The following UTP20 variants were observed in gnomAD, a reference collection of about 807,000 sequenced individuals.
The protein encoded by UTP20 is small subunit processome component 20 homolog.
Under a neutral mutation model 329.5 loss-of-function variants are expected in UTP20, and 164 were observed. That is an observed-to-expected ratio of 0.50 (90% CI 0.44 to 0.57). UTP20 has a LOEUF of 0.57. Ranked by LOEUF, UTP20 falls within the 20% of genes least tolerant of loss-of-function variation. The pLI is 0.00. For missense variants in UTP20, 3,055 were observed against 3,284.2 expected, an observed-to-expected ratio of 0.93 and a Z score of 1.71; for synonymous variants, 1,151 against 1,159.3, an observed-to-expected ratio of 0.99 and a Z score of 0.14.
At chr12:101,385,779 TAA>T (rs1310318501) in intron 61 of UTP20, 51 bp downstream of exon 61, 3 of 1,576,836 alleles carry the variant, frequency 1.9e-6, no homozygotes, top group Non-Finnish European at 2.6e-6. Context: ...TGATAACTAC[TAA>T]GTGTGCATGT....
At position 101,291,845 on chromosome 12, in the gene UTP20, A is replaced by G. The variant is rs982879239; in HGVS notation, c.995A>G (p.His332Arg). Residue 332 changes from histidine (H) to arginine (R), a missense_variant, in exon 9 of 62, where the codon CAT becomes CGT. His to Arg is a conservative substitution (Grantham distance 29). Transcript: ENST00000261637. ...LLETYLILVK[H>R]GSGTKIPTPA... ...GAAACATACCTTATACTTGTAAAAC[A>G]TGGAAGTGGGACAAAGATACCCACG... The G allele has an allele frequency of 3.1e-6, 5 of 1,613,954 alleles. No homozygotes were observed. The highest frequency in any genetic ancestry group is 2.2e-5 in the East Asian group (1 of 44,878).
Position 101,280,326 on chromosome 12 carries a change from G to A in UTP20, c.44G>A (p.Arg15Gln). The A allele has an allele frequency of 1.3e-6, 2 of 1,551,430 alleles. No individual in the cohort carries two copies. The highest frequency in any genetic ancestry group is 1.2e-5 in the South Asian group (1 of 84,058). Reference sequence around the variant, plus strand: ...TCCCACAAGACCGAGAACACCTACCGGGTGAGCGCGGGAGCTTAGGCAGGG... The same window carrying A: ...TCCCACAAGACCGAGAACACCTACCAGGTGAGCGCGGGAGCTTAGGCAGGG... ...PVSHKTENTYRFLTFAERLGN... is the reference protein window; with the variant it reads ...PVSHKTENTYQFLTFAERLGN... Residue 15 changes from arginine to glutamine, a missense_variant and splice_region_variant, in exon 1 of 62, where the codon CGG (arginine) becomes CAG (glutamine). Transcript: ENST00000261637.
intron 10 of UTP20, among the ~76,000 whole-genome samples, 160 bp from the exon 11 acceptor site, chr12:101,293,008 A>G (rs1872217148): frequency 6.6e-6 from 1 of 152,220 alleles, no homozygotes; most frequent in Non-Finnish European, 1.5e-5. Context: ...TAATCAGCAG[A>G]AGCCCTTTGC....
chr12:101,317,349 C>T (rs1335636996), intron 21 of UTP20, 129 bp from the exon 22 acceptor site: 6 of 985,708 alleles, frequency 6.1e-6, no homozygotes, highest in Non-Finnish European at 8.8e-6. Flanking sequence ...GGAAGCTTGC[C>T]TAAGGTACCA....
At chr12:101,361,904 A>C (rs1021092123) in intron 43 of UTP20, 58 bp from the exon 44 acceptor site, 3 of 1,359,004 alleles carry the variant, frequency 2.2e-6, no homozygotes, top group Non-Finnish European at 3.2e-6. Flanking sequence ...CCTAGATCTT[A>C]TGTTTTCCTA....
intron 43 of UTP20, among the ~76,000 whole-genome samples, chr12:101,360,051 G>A (rs188746679): frequency 1.7e-3 from 254 of 152,314 alleles, no homozygotes; most frequent in African/African-American, 5.5e-3. Flanking sequence ...AACACTTGAG[G>A]TGTTTAAATG....
At chr12:101,341,985 A>T (rs1282502084) in intron 32 of UTP20, among the ~76,000 whole-genome samples, 1 of 152,194 alleles carries the variant, frequency 6.6e-6, no homozygotes. Flanking sequence ...TTTACATTGT[A>T]TTGGGTATTA....
chr12:101,314,383 G>A (rs780356069), intron 21 of UTP20, among the ~76,000 whole-genome samples: 4 of 152,198 alleles, frequency 2.6e-5, no homozygotes, highest in Admixed American at 6.5e-5. Context: ...GCTTGGCTGG[G>A]TGCAGTGGCT....
At chr12:101,370,281 C>A in intron 49 of UTP20, 151 bp from the exon 50 acceptor site, 1 of 925,354 alleles carries the variant, frequency 1.1e-6, no homozygotes, top group South Asian at 1.9e-5. Context: ...GTGGTTATGG[C>A]CAAAATTTTT....
Position 101,385,678 on chromosome 12 carries a change from A to C in UTP20, c.8152A>C (p.Lys2718Gln). 1 of 1,612,576 alleles carries C rather than the reference A, an allele frequency of 6.2e-7. No homozygotes were observed. The highest frequency in any genetic ancestry group is 8.5e-7 in the Non-Finnish European group (1 of 1,179,806). ...SFSLAFASVQ[K>Q]QANEKRALRK... ...CTCATTAGCCTTTGCCTCTGTACAGAAACAGGCTAATGAGAAAAGGGCACT... is the reference window on the plus strand; with the variant it reads ...CTCATTAGCCTTTGCCTCTGTACAGCAACAGGCTAATGAGAAAAGGGCACT... The change falls in exon 61 of 62, where the codon AAA becomes CAA. Residue 2718 changes from lysine (K) to glutamine (Q), a missense_variant. Physicochemically the swap from Lys to Gln is moderately conservative, Grantham distance 53. Transcript: ENST00000261637.
chr12:101,335,777 A>C (rs531504173), intron 29 of UTP20, among the ~76,000 whole-genome samples: 1 of 152,352 alleles, frequency 6.6e-6, no homozygotes, highest in Admixed American at 6.5e-5. Flanking sequence ...AACAAACCAA[A>C]AACCGTGACA....
At chr12:101,302,418 A>G in intron 14 of UTP20, 30 bp from the exon 15 acceptor site, 1 of 1,310,416 alleles carries the variant, frequency 7.6e-7, no homozygotes, top group Admixed American at 1.8e-5. Context: ...GAAATAAGTA[A>G]TGTGGTTTCT....
chr12:101,289,375 T>TCACACA (rs140788608), intron 6 of UTP20, among the ~76,000 whole-genome samples: 14 of 149,790 alleles, frequency 9.3e-5, no homozygotes, highest in South Asian at 2.1e-4. Flanking sequence ...AGACTCCATA[T>TCACACA]CACACACACA....
At chr12:101,327,746 C>A (rs769576672) in intron 26 of UTP20, among the ~76,000 whole-genome samples, 14 of 152,132 alleles carry the variant, frequency 9.2e-5, no homozygotes, top group Non-Finnish European at 1.9e-4. Flanking sequence ...TGGATGTAAT[C>A]GTGTATACAT....
intron 54 of UTP20, 23 bp downstream of exon 54, chr12:101,373,790 G>A (rs780674550): frequency 6.2e-6 from 10 of 1,603,380 alleles, no homozygotes; most frequent in Non-Finnish European, 5.9e-6. Context: ...TTTAGTCACA[G>A]TTCAGTGACA....
intron 22 of UTP20, among the ~76,000 whole-genome samples, chr12:101,319,030 C>G (rs1415651441): frequency 1.3e-5 from 2 of 152,150 alleles, no homozygotes; most frequent in Non-Finnish European, 2.9e-5. Flanking sequence ...CCCACGATTT[C>G]AGTTACCCAT....
chr12:101,385,823 G>A (rs1870808757), intron 61 of UTP20, 95 bp downstream of exon 61: 1 of 1,516,942 alleles, frequency 6.6e-7, no homozygotes, highest in Non-Finnish European at 8.8e-7. Flanking sequence ...GGAGGATCAA[G>A]GGTTTGAGCG....
intron 19 of UTP20, among the ~76,000 whole-genome samples, 161 bp downstream of exon 19, chr12:101,310,000 A>C (rs1169975472): frequency 6.6e-6 from 1 of 152,196 alleles, no homozygotes; most frequent in Non-Finnish European, 1.5e-5. Flanking sequence ...AAAAATAAAC[A>C]TGAATTATTC....
intron 51 of UTP20, 73 bp downstream of exon 51, chr12:101,371,241 T>A: frequency 9.0e-7 from 1 of 1,114,314 alleles, no homozygotes; most frequent in African/African-American, 1.6e-5. Flanking sequence ...GTGTCAACAC[T>A]GGCTGAATTC....
Sources: gnomAD v4.1 joint callset for allele counts (sites outside exome capture counted in the v4.1 genomes callset) on GRCh38, gnomAD v4.1.1 for gene constraint, MANE v1.5 for transcripts, NCBI Gene and HGNC (gene_info 2026-07-23, HGNC 2026-07-21) for gene names.